Variants in CTNNA2 observed in about 807,000 individuals in gnomAD.
CTNNA2 encodes the protein catenin alpha-2.
CTNNA2 carries 42 observed loss-of-function variants against 101.0 expected under a neutral mutation model. That is an observed-to-expected ratio of 0.42 (90% CI 0.32 to 0.54). The LOEUF is 0.54. Ranked by LOEUF, CTNNA2 falls within the 20% of genes least tolerant of loss-of-function variation. CTNNA2 has a pLI of 0.14. For synonymous variants in CTNNA2, 450 were observed against 456.4 expected (o/e 0.99, Z 0.18); for missense variants, 871 against 1,223.1 (o/e 0.71, Z 4.29).
chr2:80,588,518 A>G (rs1337230727), intron 14 of CTNNA2, among the ~76,000 whole-genome samples: 2 of 152,182 alleles, frequency 1.3e-5, no homozygotes, highest in East Asian at 3.8e-4. Flanking sequence ...TTACAAGTAT[A>G]TTTTAGAGAG....
At chr2:80,337,539 GA>G (rs1671863440) in intron 7 of CTNNA2, among the ~76,000 whole-genome samples, 1 of 144,594 alleles carries the variant, frequency 6.9e-6, no homozygotes, top group Non-Finnish European at 1.5e-5. Context: ...GGCAGATGCA[GA>G]AGAACGATAC....
At chr2:79,610,168 A>T (rs1678172096) in intron 1 of CTNNA2, among the ~76,000 whole-genome samples, 1 of 152,126 alleles carries the variant, frequency 6.6e-6, no homozygotes, top group African/African-American at 2.4e-5. Flanking sequence ...CGTGAAAATA[A>T]TTTCAGCATC....
intron 1 of CTNNA2, among the ~76,000 whole-genome samples, chr2:79,578,242 CT>C (rs1675919916): frequency 2.0e-5 from 3 of 151,818 alleles, no homozygotes; most frequent in East Asian, 1.9e-4. Context: ...GTTAATAGGT[CT>C]TTTTTTAATA....
intron 7 of CTNNA2, among the ~76,000 whole-genome samples, chr2:79,914,250 A>G: frequency 6.6e-6 from 1 of 150,690 alleles, no homozygotes; most frequent in African/African-American, 2.4e-5. Context: ...TTGAAAGGGG[A>G]GTTAAGTAGA....
intron 7 of CTNNA2, among the ~76,000 whole-genome samples, chr2:80,137,337 A>G (rs1375404635): frequency 6.6e-6 from 1 of 152,194 alleles, no homozygotes; most frequent in East Asian, 1.9e-4. Context: ...GATGAACTAT[A>G]AAACTGTCAG....
intron 6 of CTNNA2, among the ~76,000 whole-genome samples, chr2:79,874,701 G>C (rs1055526033): frequency 4.6e-5 from 7 of 152,070 alleles, no homozygotes; most frequent in African/African-American, 1.7e-4. Flanking sequence ...CCAGCTACTC[G>C]GGAGGCTGCG....
At chr2:79,915,163 A>G (rs910774746) in intron 7 of CTNNA2, among the ~76,000 whole-genome samples, 27 of 147,286 alleles carry the variant, frequency 1.8e-4, no homozygotes, top group African/African-American at 6.6e-4. Flanking sequence ...ATAGTGGAAA[A>G]GAAATATATG....
intron 4 of CTNNA2, among the ~76,000 whole-genome samples, chr2:79,425,085 A>G (rs560555722): frequency 6.6e-6 from 1 of 152,276 alleles, no homozygotes; most frequent in East Asian, 1.9e-4. Context: ...TACCTTTATC[A>G]TCAGTGTGTA....
At chr2:79,595,883 C>G (rs765249184) in intron 1 of CTNNA2, among the ~76,000 whole-genome samples, 12 of 150,956 alleles carry the variant, frequency 7.9e-5, no homozygotes, top group Non-Finnish European at 1.8e-4. Context: ...TAATCCAACT[C>G]TTATGCAGTA....
chr2:80,106,889 G>C (rs1263081845), intron 7 of CTNNA2, among the ~76,000 whole-genome samples: 2 of 152,144 alleles, frequency 1.3e-5, no homozygotes, highest in Non-Finnish European at 2.9e-5. Flanking sequence ...CACAACGCTT[G>C]TCCTTTGGGG....
chr2:79,608,165 G>A (rs1400730382), intron 1 of CTNNA2, among the ~76,000 whole-genome samples: 1 of 151,918 alleles, frequency 6.6e-6, no homozygotes, highest in East Asian at 1.9e-4. Flanking sequence ...GGACAACTTA[G>A]GTGGAATGGG....
intron 18 of CTNNA2, among the ~76,000 whole-genome samples, chr2:80,633,207 T>A (rs1298125918): frequency 1.3e-5 from 2 of 152,036 alleles, no homozygotes; most frequent in African/African-American, 4.8e-5. Context: ...ATTAAAAGAT[T>A]ATGTTTTAAA....
intron 9 of CTNNA2, among the ~76,000 whole-genome samples, chr2:80,536,457 T>G (rs1357623366): frequency 1.3e-5 from 2 of 152,186 alleles, no homozygotes; most frequent in Non-Finnish European, 2.9e-5. Flanking sequence ...CTGCTTTATT[T>G]CAATAGTGTG....
At chr2:79,399,062 T>C (rs993259829) in intron 4 of CTNNA2, among the ~76,000 whole-genome samples, 3 of 152,124 alleles carry the variant, frequency 2.0e-5, no homozygotes, top group African/African-American at 7.2e-5. Flanking sequence ...GAATGTTCAC[T>C]ATTTATGACA....
intron 2 of CTNNA2, among the ~76,000 whole-genome samples, chr2:79,726,478 C>A (rs1230785154): frequency 1.3e-5 from 2 of 152,174 alleles, no homozygotes; most frequent in African/African-American, 2.4e-5. Flanking sequence ...CCAGCACGAA[C>A]CCTATTGTGA....
intron 9 of CTNNA2, among the ~76,000 whole-genome samples, chr2:80,440,745 A>G (rs1055784228): frequency 6.6e-6 from 1 of 152,218 alleles, no homozygotes; most frequent in Admixed American, 6.5e-5. Context: ...AGCATATTTG[A>G]CATCTCTTAG....
chr2:80,055,487 C>A (rs1697158530), intron 7 of CTNNA2, among the ~76,000 whole-genome samples: 1 of 152,166 alleles, frequency 6.6e-6, no homozygotes, highest in Non-Finnish European at 1.5e-5. Flanking sequence ...ACTGAAACCA[C>A]ATATTATTGG....
chr2:79,331,640 T>C (rs963562092), intron 3 of CTNNA2, among the ~76,000 whole-genome samples: 2 of 152,250 alleles, frequency 1.3e-5, no homozygotes, highest in South Asian at 2.1e-4. Flanking sequence ...TTGTGCCTTC[T>C]TCCTGGCTCC....
intron 4 of CTNNA2, among the ~76,000 whole-genome samples, chr2:79,455,391 C>A (rs1465970333): frequency 6.6e-6 from 1 of 152,062 alleles, no homozygotes; most frequent in Non-Finnish European, 1.5e-5. Flanking sequence ...GCCTGAGCTC[C>A]CTGTCTGTGG....
Sources: allele counts gnomAD v4.1 joint callset (sites outside exome capture counted in the v4.1 genomes callset), GRCh38; gene constraint gnomAD v4.1.1; transcripts MANE v1.5; gene names NCBI Gene and HGNC (gene_info 2026-07-23, HGNC 2026-07-21).